NRG3: variants seen among roughly 807,000 people sequenced by gnomAD.
NRG3 encodes the protein neuregulin 3.
A neutral mutation model predicts 66.9 loss-of-function variants in NRG3; 31 were observed. The ratio of observed to expected loss-of-function variants is 0.46; its 90% confidence interval spans 0.35 to 0.63. NRG3 has a LOEUF of 0.63. Among genes scored for constraint, NRG3 ranks in the 20% least tolerant of loss-of-function variants. The pLI is 0.00. For synonymous variants in NRG3, 393 were observed against 359.4 expected (o/e 1.09, Z -1.06); for missense variants, 910 against 878.9 (o/e 1.04, Z -0.45).
At chr10:82,063,206 T>A (rs925023628) in intron 1 of NRG3, among the ~76,000 whole-genome samples, 1 of 152,204 alleles carries the variant, frequency 6.6e-6, no homozygotes, top group Non-Finnish European at 1.5e-5. Flanking sequence ...TCATGGCTGT[T>A]TTCTCATTTT....
intron 2 of NRG3, among the ~76,000 whole-genome samples, chr10:82,630,987 A>G (rs1018185143): frequency 1.1e-4 from 16 of 152,184 alleles, no homozygotes; most frequent in African/African-American, 3.9e-4. Context: ...GTTTTAATAT[A>G]CAATGTTGCA....
Position 82,643,502 on chromosome 10 carries a change from A to C in NRG3, c.954-95075A>C, listed in dbSNP as rs1398815558. ...GTATTTATCAGCAGTGTGAAAACTG[A>C]CTGATACCACATGATTGCCAAGGTT... On this transcript the variant is annotated intron_variant, in intron 2 of 8. Coordinates refer to ENST00000372141, the MANE Select transcript of NRG3 (RefSeq NM_001010848.4). Among the ~76,000 whole-genome samples, 3 of 152,086 alleles carry C rather than the reference A, an allele frequency of 2.0e-5. No homozygotes were observed. In the South Asian group the frequency reaches 6.2e-4, roughly 32 times the overall value.
At chr10:81,890,273 A>G (rs1313804346) in intron 1 of NRG3, among the ~76,000 whole-genome samples, 1 of 152,172 alleles carries the variant, frequency 6.6e-6, no homozygotes, top group Non-Finnish European at 1.5e-5. Flanking sequence ...GCTAGAAGCA[A>G]TAGTGGTTTG....
chr10:82,048,768 A>G (rs1055465564), intron 1 of NRG3, among the ~76,000 whole-genome samples: 1 of 151,760 alleles, frequency 6.6e-6, no homozygotes, highest in Non-Finnish European at 1.5e-5. Context: ...ACTGAAGGAA[A>G]TAGAGACACA....
intron 4 of NRG3, among the ~76,000 whole-genome samples, chr10:82,892,262 A>T (rs1364579452): frequency 4.6e-5 from 7 of 152,166 alleles, no homozygotes; most frequent in Non-Finnish European, 1.0e-4. Flanking sequence ...AGGCCTAAAG[A>T]TGAAAAGTCT....
chr10:82,538,052 G>A lies in NRG3; in HGVS notation c.953+179184G>A, dbSNP rs1326723619. Among the ~76,000 whole-genome samples, 3 of 152,174 alleles carry A rather than the reference G, an allele frequency of 2.0e-5. No homozygotes were observed. In the South Asian group the frequency reaches 6.2e-4, roughly 32 times the overall value. ...GAGGAAAGAATGCAAATTTTTTGAG[G>A]ACCAAGTGAGTTCCAGAGACCTTCA... On this transcript the variant is annotated intron_variant, in intron 2 of 8. Transcript: ENST00000372141.
At chr10:82,243,989 A>G (rs890867924) in intron 1 of NRG3, among the ~76,000 whole-genome samples, 23 of 152,158 alleles carry the variant, frequency 1.5e-4, no homozygotes, top group African/African-American at 5.3e-4. Context: ...TTATGATGCT[A>G]TACTTTTTCT....
chr10:82,323,299 T>G (rs1254669345), intron 1 of NRG3, among the ~76,000 whole-genome samples: 1 of 152,166 alleles, frequency 6.6e-6, no homozygotes, highest in Non-Finnish European at 1.5e-5. Context: ...ACATCAAAAC[T>G]GCTTCAGATC....
At chr10:82,012,258 G>T (rs886751478) in intron 1 of NRG3, among the ~76,000 whole-genome samples, 1 of 152,108 alleles carries the variant, frequency 6.6e-6, no homozygotes, top group African/African-American at 2.4e-5. Flanking sequence ...GTTGTACCTT[G>T]GCCCCTTTTA....
intron 1 of NRG3, among the ~76,000 whole-genome samples, chr10:82,153,664 A>C (rs568801313): frequency 6.6e-6 from 1 of 152,082 alleles, no homozygotes; most frequent in African/African-American, 2.4e-5. Context: ...GGCTACACTA[A>C]TTTACATTTC....
At chr10:81,994,573 A>C (rs534313032) in intron 1 of NRG3, among the ~76,000 whole-genome samples, 1 of 151,728 alleles carries the variant, frequency 6.6e-6, no homozygotes, top group Non-Finnish European at 1.5e-5. Context: ...GATAGATAGC[A>C]TGTCGAATAG....
intron 4 of NRG3, among the ~76,000 whole-genome samples, chr10:82,872,450 A>C (rs1591792555): frequency 1.3e-5 from 2 of 152,258 alleles, no homozygotes; most frequent in Middle Eastern, 3.4e-3. Flanking sequence ...CAGCTCTATT[A>C]GTGAGCTTAC....
At chr10:81,896,899 A>C (rs1843580684) in intron 1 of NRG3, among the ~76,000 whole-genome samples, 1 of 152,158 alleles carries the variant, frequency 6.6e-6, no homozygotes, top group Non-Finnish European at 1.5e-5. Flanking sequence ...ATTTTCTCAA[A>C]CCCAACACCC....
intron 7 of NRG3, among the ~76,000 whole-genome samples, chr10:82,976,797 C>G (rs897729836): frequency 2.6e-5 from 4 of 152,038 alleles, no homozygotes; most frequent in Admixed American, 2.0e-4. Context: ...GGTTGCCTTC[C>G]TTATATCCCT....
intron 3 of NRG3, among the ~76,000 whole-genome samples, chr10:82,846,285 T>C (rs926559709): frequency 2.0e-5 from 3 of 152,090 alleles, no homozygotes; most frequent in African/African-American, 7.2e-5. Context: ...TGGCACAAGA[T>C]TCAGAAGAAA....
At chr10:82,457,062 C>T (rs1225048136) in intron 2 of NRG3, among the ~76,000 whole-genome samples, 1 of 152,112 alleles carries the variant, frequency 6.6e-6, no homozygotes, top group Non-Finnish European at 1.5e-5. Flanking sequence ...CACCCTAGAG[C>T]TACGTAATCA....
At chr10:82,808,601 C>G in intron 3 of NRG3, among the ~76,000 whole-genome samples, 1 of 151,882 alleles carries the variant, frequency 6.6e-6, no homozygotes, top group East Asian at 1.9e-4. Flanking sequence ...TCCAATTAAA[C>G]TGTTATTTTT....
chr10:82,003,174 G>A (rs1002627967), intron 1 of NRG3, among the ~76,000 whole-genome samples: 1 of 152,132 alleles, frequency 6.6e-6, no homozygotes, highest in Non-Finnish European at 1.5e-5. Flanking sequence ...TGATTTATGG[G>A]TAGGTGGCCT....
chr10:82,276,953 T>G (rs1309634260), intron 1 of NRG3, among the ~76,000 whole-genome samples: 1 of 152,064 alleles, frequency 6.6e-6, no homozygotes, highest in African/African-American at 2.4e-5. Flanking sequence ...TTTCCTGAAG[T>G]GTCTTATAAA....
Sources: gnomAD v4.1 joint callset for allele counts (sites outside exome capture counted in the v4.1 genomes callset) on GRCh38, gnomAD v4.1.1 for gene constraint, MANE v1.5 for transcripts, NCBI Gene and HGNC (gene_info 2026-07-23, HGNC 2026-07-21) for gene names.